MCU: variants seen among roughly 807,000 people sequenced by gnomAD.
The protein encoded by MCU is calcium uniporter protein, mitochondrial.
MCU carries 12 observed loss-of-function variants against 45.2 expected under a neutral mutation model. That is an observed-to-expected ratio of 0.27 (90% CI 0.17 to 0.43). MCU has a LOEUF of 0.43. Among genes scored for constraint, MCU ranks in the 20% least tolerant of loss-of-function variants. The pLI is 1.00. For missense variants in MCU, 324 were observed against 436.7 expected, an observed-to-expected ratio of 0.74 and a Z score of 2.30; for synonymous variants, 160 against 165.1, an observed-to-expected ratio of 0.97 and a Z score of 0.24.
rs112298026 is a variant in MCU, at chr10:72,693,173, A to AGT, written c.150+898_150+899dup. ...ATTTCTGTTTGAACACTCTTGGGTGAGTGTGTGTGTGTGTGTGTGTGTGTG... is the reference window on the plus strand; with the variant it reads ...ATTTCTGTTTGAACACTCTTGGGTGAGTGTGTGTGTGTGTGTGTGTGTGTGTG... On this transcript the variant is annotated intron_variant, in intron 1 of 7. Transcript: ENST00000373053. 7,563 of 796,786 alleles carry AGT rather than the reference A, an allele frequency of 9.5e-3. 18 individuals are homozygous for AGT. Among genetic ancestry groups the AGT allele is most frequent in the Middle Eastern group, 0.038 (144 of 3,796 alleles). 49.4% of individuals were successfully genotyped at this position (796,786 alleles called of 1,614,324 possible). A position where few individuals can be genotyped will look rare whatever the true frequency, so the allele number is the denominator to read the frequency against.
intron 1 of MCU, among the ~76,000 whole-genome samples, chr10:72,779,721 A>T (rs1843959962): frequency 6.6e-6 from 1 of 152,252 alleles, no homozygotes; most frequent in African/African-American, 2.4e-5. Context: ...AATGAAAACC[A>T]CAATGAAATA....
At chr10:72,812,610 G>A (rs979711885) in intron 1 of MCU, among the ~76,000 whole-genome samples, 7 of 152,214 alleles carry the variant, frequency 4.6e-5, no homozygotes, top group African/African-American at 1.7e-4. Context: ...ATGGTCTCTA[G>A]TGAGTAATCT....
chr10:72,776,296 G>A (rs1330858133), intron 1 of MCU, among the ~76,000 whole-genome samples: 3 of 152,062 alleles, frequency 2.0e-5, no homozygotes, highest in Non-Finnish European at 4.4e-5. Context: ...TATTATTGGC[G>A]AACATAGATG....
rs541673098 is a variant in MCU, at chr10:72,845,150, G to A, written c.220+10722G>A. ...AGGAAGCTTGCATATATAGAAATCT[G>A]ACATGTGATTGATTAGCATTGTAAA... On this transcript the variant is annotated intron_variant, in intron 2 of 7. Transcript: ENST00000373053. 2.6e-4 allele frequency among the ~76,000 whole-genome samples: 39 copies of A among 152,202 alleles called. 1 individual carries two copies. In the South Asian group the frequency reaches 7.7e-3, roughly 30 times the overall value.
intron 2 of MCU, among the ~76,000 whole-genome samples, chr10:72,841,252 C>A (rs776102582): frequency 2.0e-4 from 31 of 151,952 alleles, no homozygotes; most frequent in Non-Finnish European, 3.4e-4. Context: ...TAATGGCTAC[C>A]GGCATCTCTG....
At chr10:72,740,707 G>A (rs1431798517) in intron 1 of MCU, among the ~76,000 whole-genome samples, 1 of 152,260 alleles carries the variant, frequency 6.6e-6, no homozygotes, top group Non-Finnish European at 1.5e-5. Context: ...CAAGGGTTGA[G>A]TTCAAACCAG....
At chr10:72,699,400 G>T (rs535266154) in intron 1 of MCU, among the ~76,000 whole-genome samples, 1 of 151,856 alleles carries the variant, frequency 6.6e-6, no homozygotes, top group African/African-American at 2.4e-5. Context: ...CCAACTACTC[G>T]GGAGGCTGAG....
intron 6 of MCU, among the ~76,000 whole-genome samples, chr10:72,883,321 CTATAT>C (rs1845733788): frequency 6.6e-6 from 1 of 152,040 alleles, no homozygotes; most frequent in South Asian, 2.1e-4. Context: ...AACTCTGTGA[CTATAT>C]TATAAACCAT....
chr10:72,808,972 G>A (rs576242297), intron 1 of MCU, among the ~76,000 whole-genome samples: 1 of 152,302 alleles, frequency 6.6e-6, no homozygotes, highest in African/African-American at 2.4e-5. Flanking sequence ...GAGCCAAACC[G>A]TATCACCTTG....
chr10:72,844,301 C>T (rs970343685), intron 2 of MCU, among the ~76,000 whole-genome samples: 6 of 152,116 alleles, frequency 3.9e-5, no homozygotes, highest in African/African-American at 7.2e-5. Flanking sequence ...GCAGAAGAAT[C>T]GCTTGAACCC....
At chr10:72,810,492 A>C (rs1589473606) in intron 1 of MCU, among the ~76,000 whole-genome samples, 1 of 72,046 alleles carries the variant, frequency 1.4e-5, no homozygotes, top group Non-Finnish European at 2.5e-5. Context: ...TTTTTGACGG[A>C]GTTTCGCTCT....
intron 1 of MCU, among the ~76,000 whole-genome samples, chr10:72,707,723 T>G (rs1322387459): frequency 6.6e-6 from 1 of 152,114 alleles, no homozygotes; most frequent in Admixed American, 6.6e-5. Flanking sequence ...TGTTCCTCTT[T>G]GTTCCGTTAA....
intron 1 of MCU, among the ~76,000 whole-genome samples, chr10:72,742,032 A>C (rs1181806425): frequency 6.6e-6 from 1 of 151,614 alleles, no homozygotes; most frequent in African/African-American, 2.4e-5. Context: ...CAAAAAAAAA[A>C]AAAAAAAAAA....
chr10:72,724,809 G>A (rs967357868), intron 1 of MCU, among the ~76,000 whole-genome samples: 1 of 152,102 alleles, frequency 6.6e-6, no homozygotes, highest in Admixed American at 6.5e-5. Context: ...TGGAATAGAT[G>A]GATTCTTCGT....
chr10:72,844,915 T>C (rs1316253429), intron 2 of MCU, among the ~76,000 whole-genome samples: 2 of 152,116 alleles, frequency 1.3e-5, no homozygotes, highest in African/African-American at 4.8e-5. Flanking sequence ...ATAAACTCAA[T>C]GCAATGCTAA....
At chr10:72,800,916 T>C (rs1564560607) in intron 1 of MCU, among the ~76,000 whole-genome samples, 3 of 152,088 alleles carry the variant, frequency 2.0e-5, no homozygotes, top group Admixed American at 2.0e-4. Flanking sequence ...CTGGGCAACA[T>C]AGCAAGACCC....
At chr10:72,864,863 T>TTC (rs1845430109) in intron 4 of MCU, among the ~76,000 whole-genome samples, 1 of 152,314 alleles carries the variant, frequency 6.6e-6, no homozygotes, top group Non-Finnish European at 1.5e-5. Flanking sequence ...GGGCTAGAAG[T>TTC]TCTCTTTAAA....
At chr10:72,722,480 A>T (rs1392268692) in intron 1 of MCU, among the ~76,000 whole-genome samples, 1 of 151,686 alleles carries the variant, frequency 6.6e-6, no homozygotes, top group Non-Finnish European at 1.5e-5. Flanking sequence ...CAGTGAGGTA[A>T]CAAGATTGAG....
intron 5 of MCU, among the ~76,000 whole-genome samples, chr10:72,869,604 AAAC>A (rs765565201): frequency 7.4e-4 from 112 of 152,210 alleles, no homozygotes; most frequent in African/African-American, 2.2e-3. Context: ...ACAAACAAAA[AAAC>A]AACAACAACA....
Sources: allele counts gnomAD v4.1 joint callset (sites outside exome capture counted in the v4.1 genomes callset), GRCh38; gene constraint gnomAD v4.1.1; transcripts MANE v1.5; gene names NCBI Gene and HGNC (gene_info 2026-07-23, HGNC 2026-07-21).